Variants in LRIG3 observed in about 807,000 individuals in gnomAD.
LRIG3 encodes leucine rich repeats and immunoglobulin like domains 3, also known as leucine-rich repeats and immunoglobulin-like domains protein 3.
A neutral mutation model predicts 114.5 loss-of-function variants in LRIG3; 76 were observed. The ratio of observed to expected loss-of-function variants is 0.66; its 90% CI spans 0.55 to 0.80. The LOEUF is 0.80. Ranked by LOEUF, LRIG3 falls within the 30% of genes least tolerant of loss-of-function variation. The pLI is 0.00. For synonymous variants in LRIG3, 512 were observed against 519.8 expected, an observed-to-expected ratio of 0.98 and a Z score of 0.20; for missense variants, 1,239 against 1,382.8, an observed-to-expected ratio of 0.90 and a Z score of 1.65.
At chr12:58,907,142 A>C (rs528816584) in intron 3 of LRIG3, among the ~76,000 whole-genome samples, 1 of 152,098 alleles carries the variant, frequency 6.6e-6, no homozygotes, top group African/African-American at 2.4e-5. Context: ...CCACTGTCCC[A>C]GGCACACTCC....
At chr12:58,914,658 A>G (rs562682378) in intron 1 of LRIG3, 1 of 230,664 alleles carries the variant, frequency 4.3e-6, no homozygotes, top group African/African-American at 2.2e-5. Flanking sequence ...CTAACCTGAT[A>G]TGATGACATC....
At chr12:58,878,675 AGG>A (rs1871012581) in intron 14 of LRIG3, 147 bp downstream of exon 14, 1 of 912,022 alleles carries the variant, frequency 1.1e-6, no homozygotes. Context: ...AGTGTTCAAG[AGG>A]CCATTTGCAT....
chr12:58,880,642 C>T lies in LRIG3; in HGVS notation c.1740G>A (p.Gln580=), dbSNP rs1236375230. 1.9e-6 allele frequency: 3 copies of T among 1,614,248 alleles called. No homozygotes were observed. The highest frequency in any genetic ancestry group is 1.1e-5 in the South Asian group (1 of 91,090). The change falls in exon 13 of 19, where the codon CAG becomes CAA. Residue 580 remains glutamine, a synonymous_variant. Coordinates refer to ENST00000320743, the MANE Select transcript of LRIG3 (RefSeq NM_153377.5). ...EVEFASEGKY[Q]CVISNHFGSS... ...AACCAAAGTGATTGGAGATGACACACTGATATTTCCCCTCACTGGCAAATT... is the reference window on the plus strand; with the variant it reads ...AACCAAAGTGATTGGAGATGACACATTGATATTTCCCCTCACTGGCAAATT...
chr12:58,874,340 A>T lies in LRIG3; in HGVS notation c.2840-10T>A, dbSNP rs546069057. On this transcript the variant is annotated splice_polypyrimidine_tract_variant and intron_variant, in intron 17 of 18. Transcript: ENST00000320743. ...GGGTCAGGACTGCAACCTTTTTAAT[A>T]TGGGGGCAGTAACAGAAGGAGATTA... 1.9e-6 allele frequency: 3 copies of T among 1,606,772 alleles called. No individual in the cohort carries two copies. The African/African-American group carries it at 4.0e-5, about 22-fold the overall frequency.
intron 9 of LRIG3, among the ~76,000 whole-genome samples, chr12:58,886,360 T>C (rs1474955637): frequency 6.6e-6 from 1 of 151,926 alleles, no homozygotes; most frequent in Non-Finnish European, 1.5e-5. Context: ...TGCAAGACCA[T>C]TTTATGGTTA....
intron 13 of LRIG3, among the ~76,000 whole-genome samples, chr12:58,880,073 G>C (rs1021076094): frequency 6.6e-6 from 1 of 152,148 alleles, no homozygotes; most frequent in South Asian, 2.1e-4. Flanking sequence ...AAGGTGGGCA[G>C]ATCACAAGGT....
chr12:58,919,428 G>C (rs1441940272), intron 1 of LRIG3: 1 of 1,551,616 alleles, frequency 6.4e-7, no homozygotes. Flanking sequence ...GGAACTTACG[G>C]TCTGCTAATG....
intron 8 of LRIG3, 152 bp from the exon 9 acceptor site, chr12:58,887,042 T>G: frequency 3.4e-6 from 2 of 592,672 alleles, no homozygotes; most frequent in Non-Finnish European, 5.9e-6. Context: ...TTTCTCCAAC[T>G]TACCTCTTAC....
At chr12:58,916,003 G>C (rs962224312) in intron 1 of LRIG3, among the ~76,000 whole-genome samples, 1 of 152,146 alleles carries the variant, frequency 6.6e-6, no homozygotes, top group Non-Finnish European at 1.5e-5. Context: ...ATTGTTTCAG[G>C]TCTTAAAAAG....
In LRIG3 at chr12:58,882,719, A is replaced by C. The variant is rs1031514195; in HGVS notation, c.1480+150T>G. On this transcript the variant is annotated intron_variant, in intron 12 of 18. Transcript: ENST00000320743. ...CTTTCCCATCTGTGAAATTAAAATA[A>C]TCAGCAAACTATAGACCCATTTTCC... 13 of 741,862 alleles carry C rather than the reference A, an allele frequency of 1.8e-5. No individual in the cohort carries two copies. In the African/African-American group the frequency reaches 2.2e-4, roughly 12 times the overall value. The allele number at this position is 741,862 out of a possible 1,614,324, so 46.0% of individuals were successfully genotyped here.
At chr12:58,896,109 T>G (rs1871634133) in intron 3 of LRIG3, among the ~76,000 whole-genome samples, 2 of 152,336 alleles carry the variant, frequency 1.3e-5, no homozygotes, top group Non-Finnish European at 1.5e-5. Context: ...GGCATTTTAA[T>G]GCCTCTGTAA....
rs376847396 is a variant in LRIG3, at chr12:58,907,984, C to T, written c.383+5998G>A. On this transcript the variant is annotated intron_variant, in intron 3 of 18. Transcript: ENST00000320743. ...AGCTTCAAAACTGGAAAAGAAAAAT[C>T]GCCATCCTTGGGATTCTACAATAAC... 4.5e-4 allele frequency among the ~76,000 whole-genome samples: 68 copies of T among 152,322 alleles called. 1 individual carries two copies. The East Asian group carries it at 7.7e-3, about 17-fold the overall frequency.
At chr12:58,916,247 C>G (rs1872477797) in intron 1 of LRIG3, among the ~76,000 whole-genome samples, 1 of 152,124 alleles carries the variant, frequency 6.6e-6, no homozygotes. Context: ...AGTGCACATG[C>G]TGGGGACCCC....
chr12:58,908,481 C>G (rs1184679613), intron 3 of LRIG3, among the ~76,000 whole-genome samples: 1 of 152,196 alleles, frequency 6.6e-6, no homozygotes, highest in Non-Finnish European at 1.5e-5. Flanking sequence ...CTTAGAAAGG[C>G]ATATGGGAAA....
At chr12:58,879,342 T>C (rs1409480217) in intron 13 of LRIG3, among the ~76,000 whole-genome samples, 1 of 152,230 alleles carries the variant, frequency 6.6e-6, no homozygotes, top group Non-Finnish European at 1.5e-5. Context: ...AGAGGTCATC[T>C]GATTCTCAGA....
intron 3 of LRIG3, among the ~76,000 whole-genome samples, chr12:58,909,078 T>A (rs1404461235): frequency 6.6e-6 from 1 of 152,220 alleles, no homozygotes; most frequent in Non-Finnish European, 1.5e-5. Context: ...AGTATCTTCC[T>A]CCTGGCAAGC....
intron 1 of LRIG3, among the ~76,000 whole-genome samples, chr12:58,917,420 G>A (rs1031338095): frequency 6.6e-5 from 10 of 152,098 alleles, no homozygotes; most frequent in African/African-American, 2.4e-4. Flanking sequence ...ACTCTAGCTT[G>A]CCTTTAATGG....
At chr12:58,883,478 C>T in intron 11 of LRIG3, 42 bp downstream of exon 11, 1 of 1,422,052 alleles carries the variant, frequency 7.0e-7, no homozygotes, top group Non-Finnish European at 9.7e-7. Context: ...ACAGTTTTCC[C>T]CTCTATACTT....
intron 10 of LRIG3, among the ~76,000 whole-genome samples, chr12:58,885,148 C>T (rs1169018426): frequency 6.6e-6 from 1 of 152,116 alleles, no homozygotes; most frequent in Non-Finnish European, 1.5e-5. Flanking sequence ...CAAGTCGGGG[C>T]AGCTCTGGGT....
Sources: gnomAD v4.1 joint callset for allele counts (sites outside exome capture counted in the v4.1 genomes callset) on GRCh38, gnomAD v4.1.1 for gene constraint, MANE v1.5 for transcripts, NCBI Gene and HGNC (gene_info 2026-07-23, HGNC 2026-07-21) for gene names.